The following AGMO variants were observed in gnomAD, a reference collection of about 807,000 sequenced individuals.
AGMO encodes the protein glyceryl-ether monooxygenase.
AGMO carries 75 observed loss-of-function variants against 60.2 expected under a neutral mutation model. That is an observed-to-expected ratio of 1.25 (90% CI 1.03 to 1.51). The LOEUF (loss-of-function observed/expected upper bound fraction) is 1.51, where lower values mean the gene tolerates loss of function less well. Ranked by LOEUF, AGMO falls within the 40% of genes most tolerant of loss-of-function variation. The pLI, the probability that AGMO is intolerant of heterozygous loss-of-function variation, is 0.00. For missense variants in AGMO, 763 were observed against 525.5 expected, an observed-to-expected ratio of 1.45 and a Z score of -4.42; for synonymous variants, 261 against 177.1, an observed-to-expected ratio of 1.47 and a Z score of -3.76.
intron 10 of AGMO, among the ~76,000 whole-genome samples, chr7:15,378,028 C>A (rs1009921518): frequency 3.9e-5 from 6 of 151,968 alleles, no homozygotes; most frequent in African/African-American, 1.4e-4. Context: ...AGCTCTAGCA[C>A]AGGTAAGAAA....
intron 4 of AGMO, among the ~76,000 whole-genome samples, chr7:15,424,975 A>G (rs1220110312): frequency 6.6e-6 from 1 of 152,226 alleles, no homozygotes; most frequent in Non-Finnish European, 1.5e-5. Context: ...CAGGGAGTAC[A>G]ATGTAATAAA....
intron 12 of AGMO, among the ~76,000 whole-genome samples, chr7:15,250,822 G>A (rs2128506336): frequency 6.6e-6 from 1 of 152,074 alleles, no homozygotes; most frequent in Non-Finnish European, 1.5e-5. Context: ...GCAGGTGCCT[G>A]TAATCCCAGC....
chr7:15,318,303 C>T lies in AGMO; in HGVS notation c.1263+47211G>A, dbSNP rs142235063. ...ACAGGCGAGAATCACTGTGCCCGTC[C>T]TACATGTTTAAAAGATTATGAAGTC... On this transcript the variant is annotated intron_variant, in intron 12 of 12. Coordinates refer to ENST00000342526, the MANE Select transcript of AGMO (RefSeq NM_001004320.2). Among the ~76,000 whole-genome samples, 21 of 152,068 alleles carry T rather than the reference C, an allele frequency of 1.4e-4. No homozygotes were observed. In the East Asian group the frequency reaches 3.5e-3, roughly 25 times the overall value.
At chr7:15,340,004 G>C (rs1781789793) in intron 12 of AGMO, among the ~76,000 whole-genome samples, 1 of 152,160 alleles carries the variant, frequency 6.6e-6, no homozygotes, top group African/African-American at 2.4e-5. Flanking sequence ...GCATAGCACA[G>C]ATACAAGTAC....
chr7:15,518,841 T>G (rs1413309415), intron 3 of AGMO, among the ~76,000 whole-genome samples: 1 of 151,786 alleles, frequency 6.6e-6, no homozygotes, highest in Non-Finnish European at 1.5e-5. Context: ...GAAGTAGGCT[T>G]TCAGAAGGTG....
At chr7:15,363,203 A>G (rs941175702) in intron 12 of AGMO, among the ~76,000 whole-genome samples, 3 of 152,212 alleles carry the variant, frequency 2.0e-5, no homozygotes, top group Non-Finnish European at 2.9e-5. Flanking sequence ...AAGAATTCAT[A>G]GCACTGACTT....
At chr7:15,545,029 T>A in intron 2 of AGMO, 106 bp from the exon 3 acceptor site, 3 of 801,128 alleles carry the variant, frequency 3.7e-6, no homozygotes, top group Non-Finnish European at 5.3e-6. Context: ...TATAAAAAAA[T>A]GAAACTCTTT....
intron 12 of AGMO, among the ~76,000 whole-genome samples, chr7:15,214,857 ATATT>A (rs1781689124): frequency 6.6e-6 from 1 of 152,044 alleles, no homozygotes; most frequent in South Asian, 2.1e-4. Context: ...ACACAGAAGA[ATATT>A]TAGTTTGCCT....
the AGMO span, among the ~76,000 whole-genome samples, chr7:15,161,245 T>C: frequency 6.6e-6 from 1 of 152,126 alleles, no homozygotes; most frequent in Non-Finnish European, 1.5e-5. Context: ...ATGAAGCCAA[T>C]TACCTTCCAT....
intron 3 of AGMO, among the ~76,000 whole-genome samples, chr7:15,519,009 C>T (rs373509064): frequency 7.3e-5 from 11 of 151,484 alleles, no homozygotes; most frequent in Non-Finnish European, 1.6e-4. Flanking sequence ...AGCATGAGAA[C>T]TTCCTGAAGC....
Position 15,385,504 on chromosome 7 carries a change from GTA to G in AGMO, c.1014_1015del (p.Thr339SerfsTer12), listed in dbSNP as rs764361698. On this transcript the variant is annotated frameshift_variant, in exon 10 of 13. Coordinates refer to ENST00000342526, the MANE Select transcript of AGMO (RefSeq NM_001004320.2). LOFTEE classifies it high-confidence loss of function. ...CAACATCAGAGCAAACTGTACAACTGTATATATCTTTAATAGCTGAGATGAAG... is the reference window on the plus strand; with the variant it reads ...CAACATCAGAGCAAACTGTACAACTGTATATCTTTAATAGCTGAGATGAAG... 70 of 1,613,094 alleles carry G rather than the reference GTA, an allele frequency of 4.3e-5. No individual in the cohort carries two copies. The highest frequency in any genetic ancestry group is 5.9e-5 in the Non-Finnish European group (69 of 1,179,430).
intron 2 of AGMO, among the ~76,000 whole-genome samples, chr7:15,546,567 T>C (rs1351751116): frequency 1.3e-5 from 2 of 152,032 alleles, no homozygotes; most frequent in Non-Finnish European, 2.9e-5. Context: ...CCTGACAGAG[T>C]GGCCAAGGGT....
In AGMO at chr7:15,488,015, T is replaced by G. The variant is rs911076363; in HGVS notation, c.409+56757A>C. On this transcript the variant is annotated intron_variant, in intron 3 of 12. Transcript: ENST00000342526. ...TCTCTTTTTAACAATATGCATAAAA[T>G]TTTCCCCGAGATCTGTTTAGAATGA... Among the ~76,000 whole-genome samples the G allele has an allele frequency of 2.6e-5, 4 of 152,046 alleles. No individual in the cohort carries two copies. In the East Asian group the frequency reaches 7.7e-4, roughly 29 times the overall value.
At chr7:15,258,695 G>A (rs535751354) in intron 12 of AGMO, among the ~76,000 whole-genome samples, 27 of 152,156 alleles carry the variant, frequency 1.8e-4, no homozygotes, top group Non-Finnish European at 3.2e-4. Flanking sequence ...ACCTCTACTG[G>A]AGCAGGGGCT....
At chr7:15,386,083 A>T (rs1288428448) in intron 9 of AGMO, among the ~76,000 whole-genome samples, 1 of 152,138 alleles carries the variant, frequency 6.6e-6, no homozygotes, top group East Asian at 1.9e-4. Context: ...CAGGAGGCTG[A>T]GGCAGAAGAA....
At chr7:15,341,578 A>T (rs1209809519) in intron 12 of AGMO, among the ~76,000 whole-genome samples, 3 of 152,150 alleles carry the variant, frequency 2.0e-5, no homozygotes, top group Non-Finnish European at 4.4e-5. Context: ...AAACTGTTCC[A>T]AGCTTTGCCT....
intron 12 of AGMO, among the ~76,000 whole-genome samples, chr7:15,281,379 G>T (rs1405519557): frequency 6.6e-6 from 1 of 152,148 alleles, no homozygotes; most frequent in Non-Finnish European, 1.5e-5. Context: ...ATACTTCAGG[G>T]TGTGGCTGCA....
intron 12 of AGMO, among the ~76,000 whole-genome samples, chr7:15,256,154 T>C (rs963524838): frequency 4.1e-4 from 62 of 152,144 alleles, no homozygotes; most frequent in African/African-American, 1.5e-3. Flanking sequence ...TGACAGAATC[T>C]TTGATATATC....
rs1343136913 is a variant in AGMO at position 15,411,887 on chromosome 7, C to T, written c.609+6671G>A. Among the ~76,000 whole-genome samples, 6 of 151,946 alleles carry T rather than the reference C, an allele frequency of 3.9e-5. No individual in the cohort carries two copies. The East Asian group carries it at 1.2e-3, about 29-fold the overall frequency. ...AAAGTATCTTTACACATGAGTGGAT[C>T]TTGAGTAAATTTAATATAATTTTGA... On this transcript the variant is annotated intron_variant, in intron 5 of 12. Transcript: ENST00000342526.
Sources: allele counts gnomAD v4.1 joint callset (sites outside exome capture counted in the v4.1 genomes callset), GRCh38; gene constraint gnomAD v4.1.1; transcripts MANE v1.5; gene names NCBI Gene and HGNC (gene_info 2026-07-23, HGNC 2026-07-21).